MYOF: variants seen among roughly 807,000 people sequenced by gnomAD.
MYOF encodes myoferlin.
In MYOF, 244 loss-of-function variants were observed where a neutral mutation model predicts 284.2. The observed-to-expected ratio is 0.86, with a 90% CI of 0.77 to 0.95. The LOEUF (loss-of-function observed/expected upper bound fraction) is 0.95, where lower values mean the gene tolerates loss of function less well. Ranked by LOEUF, MYOF falls within the 40% of genes least tolerant of loss-of-function variation. The pLI, the probability that MYOF is intolerant of heterozygous loss-of-function variation, is 0.00. For synonymous variants in MYOF, 904 were observed against 919.7 expected (o/e 0.98, Z 0.31); for missense variants, 2,496 against 2,560.6 (o/e 0.97, Z 0.54).
chr10:93,371,587 T>A, intron 24 of MYOF, among the ~76,000 whole-genome samples: 1 of 152,368 alleles, frequency 6.6e-6, no homozygotes. Context: ...AAATTAAATA[T>A]GTAATTGATG....
At chr10:93,452,746 G>T (rs1589593573) in intron 2 of MYOF, among the ~76,000 whole-genome samples, 1 of 152,090 alleles carries the variant, frequency 6.6e-6, no homozygotes, top group South Asian at 2.1e-4. Flanking sequence ...AAAATGCAGG[G>T]TATATGTGAA....
chr10:93,364,037 G>C lies in MYOF; in HGVS notation c.2792C>G (p.Thr931Ser). Reference protein sequence around the residue: ...TEADAGHTEFTDEVYQNESRY... With the variant: ...TEADAGHTEFSDEVYQNESRY... Reference sequence around the variant, plus strand: ...GCTCTCGTTCTGATAGACTTCATCAGTGAACTCCGTGTGACCTGCATCTGC... The same window carrying C: ...GCTCTCGTTCTGATAGACTTCATCACTGAACTCCGTGTGACCTGCATCTGC... Residue 931 changes from threonine (T) to serine (S), a missense_variant, in exon 27 of 54, where the codon ACT becomes AGT. Coordinates refer to ENST00000359263, the MANE Select transcript of MYOF (RefSeq NM_013451.4). 1 of 1,614,178 alleles carries C rather than the reference G, an allele frequency of 6.2e-7. No individual in the cohort carries two copies. Among genetic ancestry groups the C allele is most frequent in the Non-Finnish European group, 8.5e-7 (1 of 1,180,032 alleles).
chr10:93,383,062 AT>A (rs1305224092), intron 19 of MYOF, among the ~76,000 whole-genome samples: 1 of 151,742 alleles, frequency 6.6e-6, no homozygotes, highest in East Asian at 1.9e-4. Context: ...CACCTGGCTA[AT>A]TTTTGTATTT....
chr10:93,468,783 G>T (rs912431731), intron 1 of MYOF, among the ~76,000 whole-genome samples: 14 of 152,206 alleles, frequency 9.2e-5, no homozygotes, highest in African/African-American at 3.4e-4. Context: ...AAGCTGGGCT[G>T]GTTGTTTGCT....
chr10:93,350,245 T>C (rs1844442623), intron 35 of MYOF, among the ~76,000 whole-genome samples: 1 of 152,162 alleles, frequency 6.6e-6, no homozygotes, highest in Non-Finnish European at 1.5e-5. Context: ...CACCTCCCTA[T>C]GTCTCATCTA....
At chr10:93,318,072 A>G (rs1335754615) in intron 49 of MYOF, among the ~76,000 whole-genome samples, 1 of 152,110 alleles carries the variant, frequency 6.6e-6, no homozygotes, top group African/African-American at 2.4e-5. Context: ...AACCATACCT[A>G]AAGCCCTGAT....
chr10:93,318,412 C>T (rs565897114), intron 49 of MYOF, among the ~76,000 whole-genome samples: 1 of 148,774 alleles, frequency 6.7e-6, no homozygotes, highest in African/African-American at 2.5e-5. Context: ...CAGAGTGAGA[C>T]CCTATCTCAA....
intron 1 of MYOF, among the ~76,000 whole-genome samples, chr10:93,473,415 C>T (rs764798732): frequency 1.3e-5 from 2 of 152,228 alleles, no homozygotes; most frequent in Admixed American, 6.5e-5. Flanking sequence ...ATGCACGAGA[C>T]GCTGCCACTG....
intron 2 of MYOF, among the ~76,000 whole-genome samples, chr10:93,456,260 G>A (rs59020757): frequency 0.012 from 1,761 of 152,272 alleles, 33 homozygotes; most frequent in African/African-American, 0.04. Flanking sequence ...GTTATCAGAT[G>A]TCGTATTTCA....
intron 1 of MYOF, among the ~76,000 whole-genome samples, chr10:93,460,444 T>C (rs2056846384): frequency 6.6e-6 from 1 of 151,954 alleles, no homozygotes; most frequent in Non-Finnish European, 1.5e-5. Context: ...AACAGAAGAG[T>C]GTAAGATAAT....
At chr10:93,343,689 G>A (rs1480694276) in intron 38 of MYOF, among the ~76,000 whole-genome samples, 167 bp downstream of exon 38, 4 of 152,202 alleles carry the variant, frequency 2.6e-5, no homozygotes, top group Non-Finnish European at 5.9e-5. Context: ...CATAACTGTT[G>A]ATGAGTGCAA....
chr10:93,316,631 A>T, intron 50 of MYOF, 83 bp downstream of exon 50: 1 of 1,272,460 alleles, frequency 7.9e-7, no homozygotes, highest in Non-Finnish European at 1.1e-6. Flanking sequence ...TTGAAGATTT[A>T]AAGAATTGCT....
rs539770719 is a variant in MYOF at position 93,428,719 on chromosome 10, G to A, written c.346-2561C>T. Among the ~76,000 whole-genome samples the A allele has an allele frequency of 1.9e-4, 29 of 152,252 alleles. No individual in the cohort carries two copies. In the South Asian group the frequency reaches 5.6e-3, roughly 29 times the overall value. On this transcript the variant is annotated intron_variant, in intron 4 of 53. Coordinates refer to ENST00000359263, the MANE Select transcript of MYOF (RefSeq NM_013451.4). ...CTCTGGAAGGGACTGAACAGGATAAGGAATACGACCCTAGCCACAGTTTCA... is the reference window on the plus strand; with the variant it reads ...CTCTGGAAGGGACTGAACAGGATAAAGAATACGACCCTAGCCACAGTTTCA...
chr10:93,416,689 C>T (rs1159763909), intron 5 of MYOF, among the ~76,000 whole-genome samples: 1 of 150,458 alleles, frequency 6.6e-6, no homozygotes, highest in Non-Finnish European at 1.5e-5. Context: ...CCTTCACCTC[C>T]TGGGTTCAAG....
chr10:93,453,749 GT>G (rs1330988880), intron 2 of MYOF, among the ~76,000 whole-genome samples: 1 of 152,162 alleles, frequency 6.6e-6, no homozygotes, highest in Non-Finnish European at 1.5e-5. Flanking sequence ...GCAGAGCGCA[GT>G]GGTGTGTGCC....
intron 53 of MYOF, 136 bp from the exon 54 acceptor site, chr10:93,307,137 G>A: frequency 1.3e-6 from 1 of 754,754 alleles, no homozygotes; most frequent in South Asian, 2.0e-5. Context: ...CCTGTGCATT[G>A]TAGGATGTTC....
chr10:93,344,315 T>G (rs1054235782), intron 37 of MYOF, among the ~76,000 whole-genome samples: 33 of 152,152 alleles, frequency 2.2e-4, no homozygotes, highest in African/African-American at 7.7e-4. Context: ...TTTGGTTACA[T>G]GGATGAATTA....
chr10:93,324,970 G>T (rs1842981187), intron 46 of MYOF, among the ~76,000 whole-genome samples: 1 of 151,992 alleles, frequency 6.6e-6, no homozygotes, highest in Non-Finnish European at 1.5e-5. Context: ...AGTAGAGACA[G>T]GGTTTCACCA....
chr10:93,351,585 G>A lies in MYOF; in HGVS notation c.3664-14C>T, dbSNP rs2133888968. 1 of 1,613,018 alleles carries A rather than the reference G, an allele frequency of 6.2e-7. No homozygotes were observed. The highest frequency in any genetic ancestry group is 8.5e-7 in the Non-Finnish European group (1 of 1,179,460). On this transcript the variant is annotated splice_polypyrimidine_tract_variant and intron_variant, in intron 33 of 53. Transcript: ENST00000359263. ...TTCATCTTTGCCCTAGAGAAACAAA[G>A]TGATCCTTAAATTCCCCGACAATCA...
Sources: allele counts gnomAD v4.1 joint callset (sites outside exome capture counted in the v4.1 genomes callset), GRCh38; gene constraint gnomAD v4.1.1; transcripts MANE v1.5; gene names NCBI Gene and HGNC (gene_info 2026-07-23, HGNC 2026-07-21).